EFTUD2: variants seen among roughly 807,000 people sequenced by gnomAD.
EFTUD2 encodes the protein 116 kDa U5 small nuclear ribonucleoprotein component.
EFTUD2 carries 9 observed loss-of-function variants against 114.3 expected under a neutral mutation model. The ratio of observed to expected loss-of-function variants is 0.08; its 90% CI spans 0.05 to 0.14. The LOEUF is 0.14. Ranked by LOEUF, EFTUD2 falls within the 10% of genes least tolerant of loss-of-function variation. EFTUD2 has a pLI of 1.00. For missense variants in EFTUD2, 765 were observed against 1,241.2 expected (o/e 0.62, Z 5.76); for synonymous variants, 449 against 462.3 (o/e 0.97, Z 0.37).
chr17:44,864,912 C>A lies in EFTUD2; in HGVS notation c.1285+18G>T. Reference sequence around the variant, plus strand: ...GCACGAGGATGACAGAGTTAAGGGGCCACGAGCACATTATTACCTGTGAAC... The same window carrying A: ...GCACGAGGATGACAGAGTTAAGGGGACACGAGCACATTATTACCTGTGAAC... On this transcript the variant is annotated intron_variant, in intron 14 of 27. Coordinates refer to ENST00000426333, the MANE Select transcript of EFTUD2 (RefSeq NM_004247.4). The A allele has an allele frequency of 6.2e-7, 1 of 1,612,722 alleles. No homozygotes were observed. Among genetic ancestry groups the A allele is most frequent in the South Asian group, 1.1e-5 (1 of 90,952 alleles).
At chr17:44,887,892 TAA>T (rs988847682) in intron 2 of EFTUD2, among the ~76,000 whole-genome samples, 4 of 152,212 alleles carry the variant, frequency 2.6e-5, no homozygotes, top group Non-Finnish European at 2.9e-5. Context: ...TCACTTCTGC[TAA>T]AAAGTCTTCC....
intron 26 of EFTUD2, 68 bp from the exon 27 acceptor site, chr17:44,851,885 CTCT>C (rs1266756126): frequency 7.6e-6 from 10 of 1,311,650 alleles, no homozygotes; most frequent in Admixed American, 2.6e-5. Flanking sequence ...AGAAGCAGGA[CTCT>C]TCTTATTTAT....
At chr17:44,881,886 G>A (rs930133081) in intron 6 of EFTUD2, 164 bp from the exon 7 acceptor site, 1 of 623,594 alleles carries the variant, frequency 1.6e-6, no homozygotes, top group Non-Finnish European at 2.9e-6. Context: ...AATGAGACCA[G>A]TGCCCTCCCA....
intron 7 of EFTUD2, 110 bp downstream of exon 7, chr17:44,881,577 A>T: frequency 8.9e-7 from 1 of 1,119,476 alleles, no homozygotes; most frequent in East Asian, 2.4e-5. Flanking sequence ...GAGAGAGAGG[A>T]GTAGGATATG....
chr17:44,884,531 A>AC (rs1555569730), intron 4 of EFTUD2, among the ~76,000 whole-genome samples: 1 of 150,686 alleles, frequency 6.6e-6, no homozygotes, highest in East Asian at 1.9e-4. Flanking sequence ...AAAAAAAAAA[A>AC]AGAGAGAGAG....
chr17:44,883,101 C>T lies in EFTUD2; in HGVS notation c.484G>A (p.Asp162Asn), dbSNP rs1172436441. 1 of 1,614,008 alleles carries T rather than the reference C, an allele frequency of 6.2e-7. No homozygotes were observed. The highest frequency in any genetic ancestry group is 8.5e-7 in the Non-Finnish European group (1 of 1,180,038). ...ACAGAAGTTCTACTTACATCTTGGT[C>T]ATAGCGCTTTCTGATTTCCGGGTGA... ...QTHPEIRKRY[D>N]QDLCYTDILF... Residue 162 changes from aspartate to asparagine, a missense_variant, in exon 6 of 28, where the codon GAC becomes AAC. Physicochemically the swap from Asp to Asn is conservative, Grantham distance 23. Coordinates refer to ENST00000426333, the MANE Select transcript of EFTUD2 (RefSeq NM_004247.4).
intron 11 of EFTUD2, among the ~76,000 whole-genome samples, chr17:44,870,032 T>C (rs1481187962): frequency 6.6e-6 from 1 of 152,248 alleles, no homozygotes; most frequent in Non-Finnish European, 1.5e-5. Flanking sequence ...TCTGTGACCA[T>C]GGGCATAGTT....
At chr17:44,884,520 A>AG (rs1433545461) in intron 4 of EFTUD2, among the ~76,000 whole-genome samples, 2 of 76,722 alleles carry the variant, frequency 2.6e-5, no homozygotes, top group Admixed American at 1.2e-4. Flanking sequence ...CCCCGCATCG[A>AG]AAAAAAAAAA....
chr17:44,867,767 TA>T, intron 13 of EFTUD2, 39 bp downstream of exon 13: 1 of 1,481,218 alleles, frequency 6.8e-7, no homozygotes, highest in South Asian at 1.4e-5. Context: ...ACACTGTGCT[TA>T]TAAGAGCAGA....
intron 16 of EFTUD2, among the ~76,000 whole-genome samples, chr17:44,861,979 C>G (rs75938871): frequency 1.6e-3 from 239 of 152,308 alleles, no homozygotes; most frequent in African/African-American, 5.5e-3. Flanking sequence ...GAAGCCTTCT[C>G]TCTTGGTCAA....
rs1434371538 is a variant in EFTUD2 at position 44,875,922 on chromosome 17, G to C, written c.869+12C>G. 1 of 1,611,124 alleles carries C rather than the reference G, an allele frequency of 6.2e-7. No individual in the cohort carries two copies. Among genetic ancestry groups the C allele is most frequent in the Non-Finnish European group, 8.5e-7 (1 of 1,178,074 alleles). On this transcript the variant is annotated intron_variant, in intron 10 of 27. Transcript: ENST00000426333. ...TCCGAGGACAGGAAATCCACTCCCA[G>C]GGGTTTTCTACCTTATTAATCCATT...
At position 44,863,151 on chromosome 17, in the gene EFTUD2, C is replaced by A. The variant is rs8067592; in HGVS notation, c.1414-245G>T. ...GGATAAGGGCATTGAGGAAGAGACACAGATTTAAGATAGCAGAGAGGCACT... is the reference window on the plus strand; with the variant it reads ...GGATAAGGGCATTGAGGAAGAGACAAAGATTTAAGATAGCAGAGAGGCACT... On this transcript the variant is annotated intron_variant, in intron 15 of 27. Transcript: ENST00000426333. 5,105 of 387,816 alleles carry A rather than the reference C, an allele frequency of 0.013. 230 individuals are homozygous for A. Among genetic ancestry groups the A allele is most frequent in the African/African-American group, 0.093 (4,488 of 48,432 alleles). 24.0% of individuals were successfully genotyped at this position (387,816 alleles called of 1,614,324 possible). A position where few individuals can be genotyped will look rare whatever the true frequency, so the allele number is the denominator to read the frequency against.
At chr17:44,897,215 C>CAA (rs60766041) in intron 1 of EFTUD2, among the ~76,000 whole-genome samples, 9,428 of 65,982 alleles carry the variant, frequency 0.14, 621 homozygotes, top group East Asian at 0.28. Context: ...GACTCCGTCT[C>CAA]AAAAAAAAAA....
At chr17:44,876,878 A>C (rs1228442298) in intron 9 of EFTUD2, among the ~76,000 whole-genome samples, 2 of 147,046 alleles carry the variant, frequency 1.4e-5, no homozygotes, top group African/African-American at 4.9e-5. Context: ...AAAAAAAAAA[A>C]AAACTACTCC....
chr17:44,853,127 G>A (rs1367531644), intron 25 of EFTUD2, among the ~76,000 whole-genome samples, 169 bp downstream of exon 25: 2 of 152,128 alleles, frequency 1.3e-5, no homozygotes, highest in African/African-American at 4.8e-5. Flanking sequence ...CTGCAGAAAA[G>A]CGGGGGCTTG....
chr17:44,888,172 T>C (rs9896445), intron 2 of EFTUD2, among the ~76,000 whole-genome samples: 39,914 of 151,966 alleles, frequency 0.26, 5,308 homozygotes, highest in Non-Finnish European at 0.28. Context: ...GCCAATATGG[T>C]GAGAATGGAG....
intron 4 of EFTUD2, chr17:44,884,066 A>G (rs1029453736): frequency 3.7e-6 from 1 of 271,860 alleles, no homozygotes; most frequent in Non-Finnish European, 7.4e-6. Context: ...CAGGAGTTCA[A>G]GACCAGCCTG....
intron 18 of EFTUD2, 145 bp from the exon 19 acceptor site, chr17:44,859,326 C>T: frequency 1.5e-6 from 1 of 663,938 alleles, no homozygotes; most frequent in South Asian, 1.7e-5. Context: ...CAAGAAGGTT[C>T]AGTGAGGAGC....
chr17:44,888,978 G>A (rs1435530672), intron 2 of EFTUD2, among the ~76,000 whole-genome samples: 1 of 152,208 alleles, frequency 6.6e-6, no homozygotes, highest in Non-Finnish European at 1.5e-5. Flanking sequence ...AGGAGTGAGT[G>A]TAGACAGAGA....
Sources: allele counts gnomAD v4.1 joint callset (sites outside exome capture counted in the v4.1 genomes callset), GRCh38; gene constraint gnomAD v4.1.1; transcripts MANE v1.5; gene names NCBI Gene and HGNC (gene_info 2026-07-23, HGNC 2026-07-21).